ZNF782: variants seen among roughly 807,000 people sequenced by gnomAD.
ZNF782 encodes zinc finger protein 782.
A neutral mutation model predicts 13.0 loss-of-function variants in ZNF782; 12 were observed. That is an observed-to-expected ratio of 0.92 (90% confidence interval 0.59 to 1.50). The LOEUF is 1.50. Among genes scored for constraint, ZNF782 ranks in the 40% most tolerant of loss-of-function variants. The pLI, the probability that ZNF782 is intolerant of heterozygous loss-of-function variation, is 0.00. For missense variants in ZNF782, 770 were observed against 822.9 expected (o/e 0.94, Z 0.79); for synonymous variants, 284 against 283.0 (o/e 1.00, Z -0.04).
chr9:96,891,339 C>G, the ZNF782 span: 1 of 152,226 alleles, frequency 6.6e-6, no homozygotes, highest in East Asian at 1.9e-4. Flanking sequence ...CCAGTACTTC[C>G]TCTTAAATAC....
intron 1 of ZNF782, among the ~76,000 whole-genome samples, chr9:96,872,170 G>C (rs1278895363): frequency 6.6e-6 from 1 of 152,164 alleles, no homozygotes; most frequent in Non-Finnish European, 1.5e-5. Context: ...AAAGGTAAAT[G>C]CTACAATTTA....
the ZNF782 span, among the ~76,000 whole-genome samples, chr9:96,883,839 G>A: frequency 2.6e-5 from 4 of 152,222 alleles, no homozygotes; most frequent in African/African-American, 9.7e-5. Flanking sequence ...GAACTGCAGG[G>A]TGATGAGTTC....
rs548493271 is a variant in ZNF782 at position 96,829,939 on chromosome 9, G to C, written c.143-2758C>G. ...TAAAAACATAAGATGCTGAAAGGTA[G>C]AGAGAAGACAGCAGATTGTTCAAGG... is the stretch of plus-strand genomic sequence containing the variant. On this transcript the variant is annotated intron_variant, in intron 4 of 5. Coordinates refer to ENST00000481138, the MANE Select transcript of ZNF782 (RefSeq NM_001001662.3). Among the ~76,000 whole-genome samples, 5 of 152,310 alleles carry C rather than the reference G, an allele frequency of 3.3e-5. No homozygotes were observed. In the East Asian group the frequency reaches 7.7e-4, roughly 24 times the overall value.
chr9:96,856,802 C>T (rs1851648405), upstream of ZNF782, among the ~76,000 whole-genome samples: 1 of 152,194 alleles, frequency 6.6e-6, no homozygotes, highest in African/African-American at 2.4e-5. Flanking sequence ...TTAAAACCAA[C>T]AGAATTGTCT....
chr9:96,878,550 C>A (rs557200275), upstream of ZNF782, among the ~76,000 whole-genome samples: 86 of 152,310 alleles, frequency 5.6e-4, no homozygotes, highest in Non-Finnish European at 8.1e-4. Flanking sequence ...TTTTTAAAAA[C>A]ATGGTTACAA....
the ZNF782 span, chr9:96,892,309 A>G: frequency 6.6e-6 from 1 of 152,234 alleles, no homozygotes; most frequent in Non-Finnish European, 1.5e-5. Flanking sequence ...GATAAACAAA[A>G]TGTGGCATAT....
the ZNF782 span, among the ~76,000 whole-genome samples, chr9:96,903,724 G>A: frequency 1.6e-4 from 24 of 151,102 alleles, no homozygotes; most frequent in East Asian, 1.6e-3. Context: ...CACCACACCC[G>A]GCTAATTTTT....
upstream of ZNF782, among the ~76,000 whole-genome samples, chr9:96,856,849 A>G (rs1429870874): frequency 6.6e-6 from 1 of 152,172 alleles, no homozygotes; most frequent in African/African-American, 2.4e-5. Context: ...AATTTTTATG[A>G]TGTGATCATG....
rs1290153290 is a variant in ZNF782, at chr9:96,817,708, A to G, written c.*215T>C. Reference sequence around the variant, plus strand: ...GGTTTCTTTGCTGTGTGAGTTCTGTATATCCATAGAAGACTGGGCTCTGGC... The same window carrying G: ...GGTTTCTTTGCTGTGTGAGTTCTGTGTATCCATAGAAGACTGGGCTCTGGC... On this transcript the variant is annotated 3_prime_UTR_variant, in exon 6 of 6. Coordinates refer to ENST00000481138, the MANE Select transcript of ZNF782 (RefSeq NM_001001662.3). 21 of 446,304 alleles carry G rather than the reference A, an allele frequency of 4.7e-5. No homozygotes were observed. Among genetic ancestry groups the G allele is most frequent in the Non-Finnish European group, 7.8e-5 (20 of 256,432 alleles). The allele number at this position is 446,304 out of a possible 1,614,324, so 27.6% of individuals were successfully genotyped here.
At chr9:96,868,436 A>T (rs1204019798) in intron 1 of ZNF782, among the ~76,000 whole-genome samples, 1 of 152,184 alleles carries the variant, frequency 6.6e-6, no homozygotes, top group African/African-American at 2.4e-5. Flanking sequence ...TATTTCAGAA[A>T]CGAGTTCTTG....
chr9:96,925,110 G>C, the ZNF782 span, among the ~76,000 whole-genome samples: 24 of 152,262 alleles, frequency 1.6e-4, no homozygotes, highest in East Asian at 4.5e-3. Flanking sequence ...GCGCTGCGTC[G>C]TCTCCCTGCC....
chr9:96,896,751 G>A, the ZNF782 span, among the ~76,000 whole-genome samples: 1 of 152,210 alleles, frequency 6.6e-6, no homozygotes, highest in Middle Eastern at 3.2e-3. Flanking sequence ...CCAGGCTGCT[G>A]TGCAAGCTGC....
Position 96,875,436 on chromosome 9 carries a change from T to A in ZNF782, c.-457+32A>T, listed in dbSNP as rs894228850. Reference sequence around the variant, plus strand: ...CCCTCATTTTCAGGCGAGAAACCTCTTACCCGGTTCCCGCCCTCGCCCCCC... The same window carrying A: ...CCCTCATTTTCAGGCGAGAAACCTCATACCCGGTTCCCGCCCTCGCCCCCC... On this transcript the variant is annotated intron_variant, in intron 1 of 5. Coordinates refer to the ZNF782 transcript ENST00000498811. 2.0e-5 allele frequency: 9 copies of A among 456,432 alleles called. No individual in the cohort carries two copies. In the Admixed American group the frequency reaches 2.1e-4, roughly 11 times the overall value. 28.3% of individuals were successfully genotyped at this position (456,432 alleles called of 1,614,324 possible).
Position 96,854,267 on chromosome 9 carries a change from C to T in ZNF782, c.-441G>A, listed in dbSNP as rs996625259. The T allele has an allele frequency of 2.6e-5, 4 of 152,408 alleles. No individual in the cohort carries two copies. Among genetic ancestry groups the T allele is most frequent in the Non-Finnish European group, 5.9e-5 (4 of 68,180 alleles). The allele number at this position is 152,408 out of a possible 1,614,324, so 9.4% of individuals were successfully genotyped here. A position where few individuals can be genotyped will look rare whatever the true frequency, so the allele number is the denominator to read the frequency against. On this transcript the variant is annotated 5_prime_UTR_variant, in exon 1 of 6. Transcript: ENST00000481138. ...CACCTGCTCCGGACCAACGCTCAGC[C>T]TCAGCCGCCCCGGGAGCCAGCGGCC...
the ZNF782 span, among the ~76,000 whole-genome samples, chr9:96,901,822 G>A: frequency 1.4e-5 from 2 of 145,742 alleles, no homozygotes; most frequent in Admixed American, 1.4e-4. Flanking sequence ...GGAGGTTGCA[G>A]TGACCAAGAT....
At chr9:96,908,004 T>G in the ZNF782 span, among the ~76,000 whole-genome samples, 1 of 151,872 alleles carries the variant, frequency 6.6e-6, no homozygotes, top group Non-Finnish European at 1.5e-5. Flanking sequence ...TGAGGTAAGA[T>G]GGATAGCTAT....
At chr9:96,885,268 T>C in the ZNF782 span, among the ~76,000 whole-genome samples, 6 of 151,462 alleles carry the variant, frequency 4.0e-5, no homozygotes, top group East Asian at 1.9e-4. Flanking sequence ...AGTAAAAAAA[T>C]AGAAAATTTC....
chr9:96,819,448 A>G lies in ZNF782; in HGVS notation c.575T>C (p.Ile192Thr), dbSNP rs775407510. 6.2e-7 allele frequency: 1 copy of G among 1,613,860 alleles called. No individual in the cohort carries two copies. Among genetic ancestry groups the G allele is most frequent in the Admixed American group, 1.7e-5 (1 of 59,960 alleles). Residue 192 changes from isoleucine to threonine, a missense_variant, in exon 6 of 6, where the codon ATT becomes ACT. Transcript: ENST00000481138. ...CTCCTTATGATGGAGGGTTTTCACA[A>G]TTTTACTATAAGCGAAAGATTTCTC... ...TQEKSFAYSK[I>T]VKTLHHKEEV...
rs1184752535 is a variant in ZNF782, at chr9:96,844,854, C to T, written c.142+36G>A. On this transcript the variant is annotated intron_variant, in intron 4 of 5. Coordinates refer to ENST00000481138, the MANE Select transcript of ZNF782 (RefSeq NM_001001662.3). ...GAGAAAGAGAGGAGAAACAGAACTG[C>T]ACTCTGGAGGGAACCCCATGGTAAG... 3.1e-6 allele frequency: 5 copies of T among 1,613,542 alleles called. No individual in the cohort carries two copies. In the South Asian group the frequency reaches 4.4e-5, roughly 14 times the overall value.
Sources: allele counts gnomAD v4.1 joint callset (sites outside exome capture counted in the v4.1 genomes callset), GRCh38; gene constraint gnomAD v4.1.1; transcripts MANE v1.5; gene names NCBI Gene and HGNC (gene_info 2026-07-23, HGNC 2026-07-21).